RBFOX1: variants seen among roughly 807,000 people sequenced by gnomAD.
RBFOX1 encodes RNA binding fox-1 homolog 1, also known as RNA binding protein fox-1 homolog 1.
Under a neutral mutation model 57.7 loss-of-function variants are expected in RBFOX1, and 8 were observed. The ratio of observed to expected loss-of-function variants is 0.14; its 90% CI spans 0.08 to 0.25. The LOEUF is 0.25. Among genes scored for constraint, RBFOX1 ranks in the 10% least tolerant of loss-of-function variants. The probability of loss-of-function intolerance (pLI) is 1.00; values close to 1 mark genes in which losing one functional copy is unlikely to be tolerated. For synonymous variants in RBFOX1, 326 were observed against 222.4 expected, an observed-to-expected ratio of 1.47 and a Z score of -4.15; for missense variants, 611 against 548.5, an observed-to-expected ratio of 1.11 and a Z score of -1.14.
At chr16:5,558,662 C>G (rs866832856) in intron 2 of RBFOX1, among the ~76,000 whole-genome samples, 3 of 152,154 alleles carry the variant, frequency 2.0e-5, no homozygotes, top group Middle Eastern at 3.2e-3. Context: ...CTCCATGGCT[C>G]TGTTCCTGCC....
intron 10 of RBFOX1, among the ~76,000 whole-genome samples, chr16:7,622,118 A>G (rs1398307901): frequency 6.6e-6 from 1 of 152,172 alleles, no homozygotes; most frequent in Non-Finnish European, 1.5e-5. Flanking sequence ...TTTGGCCAAA[A>G]GTCTGTAGTT....
At chr16:7,059,905 A>G (rs767321837) in intron 4 of RBFOX1, among the ~76,000 whole-genome samples, 3 of 152,192 alleles carry the variant, frequency 2.0e-5, no homozygotes, top group African/African-American at 4.8e-5. Context: ...AGCTGTTTCT[A>G]TGAAAACTAA....
intron 4 of RBFOX1, among the ~76,000 whole-genome samples, chr16:5,932,104 C>G (rs1342518176): frequency 9.2e-5 from 14 of 152,160 alleles, no homozygotes; most frequent in Non-Finnish European, 1.6e-4. Context: ...TGTGCCTGGC[C>G]TTGTATGGCA....
At chr16:5,468,623 T>C (rs1465107717) in intron 2 of RBFOX1, among the ~76,000 whole-genome samples, 2 of 152,224 alleles carry the variant, frequency 1.3e-5, no homozygotes, top group Non-Finnish European at 2.9e-5. Context: ...GTGACATTAT[T>C]CATGGAAGCC....
chr16:5,326,709 G>T (rs1004392357), intron 1 of RBFOX1, among the ~76,000 whole-genome samples: 2 of 152,134 alleles, frequency 1.3e-5, no homozygotes, highest in Non-Finnish European at 2.9e-5. Context: ...ATTTTTAAGC[G>T]GTGGCTGTTA....
At chr16:6,170,590 T>C (rs2096952954) in intron 1 of RBFOX1, among the ~76,000 whole-genome samples, 1 of 152,290 alleles carries the variant, frequency 6.6e-6, no homozygotes, top group African/African-American at 2.4e-5. Context: ...GATGTAGAGC[T>C]TTTTTTCAAA....
chr16:7,478,665 C>T (rs1052237972), intron 4 of RBFOX1, among the ~76,000 whole-genome samples: 6 of 152,226 alleles, frequency 3.9e-5, no homozygotes, highest in East Asian at 1.9e-4. Flanking sequence ...GCCAGCTTTC[C>T]GCTATATGCA....
At chr16:5,753,888 A>C (rs770768029) in intron 3 of RBFOX1, among the ~76,000 whole-genome samples, 5 of 152,018 alleles carry the variant, frequency 3.3e-5, no homozygotes, top group Non-Finnish European at 5.9e-5. Context: ...CAATGATCTA[A>C]ACCCTACAGA....
At chr16:5,391,307 G>C (rs11862708) in intron 1 of RBFOX1, among the ~76,000 whole-genome samples, 1 of 150,558 alleles carries the variant, frequency 6.6e-6, no homozygotes, top group East Asian at 1.9e-4. Flanking sequence ...CAAAGCATCA[G>C]TGGGGTTATG....
In RBFOX1 at chr16:6,780,398, TTTTATATATA is replaced by T. The variant is rs1365344531; in HGVS notation, c.-16+125775_-16+125784del. The stretch of plus-strand genomic sequence containing the variant: ...ATATATTTATACATATTATATATAT[TTTTATATATA>T]TTTATATATATTTATATATATTTAT... On this transcript the variant is annotated intron_variant, in intron 3 of 15. Transcript: ENST00000550418. Among the ~76,000 whole-genome samples the T allele has an allele frequency of 6.4e-4, 51 of 79,970 alleles. 3 individuals carry two copies. Among genetic ancestry groups the T allele is most frequent in the African/African-American group, 1.9e-3 (31 of 16,106 alleles). The allele number at this position is 79,970 out of a possible 152,430, so 52.5% of individuals were successfully genotyped here. A position where few individuals can be genotyped will look rare whatever the true frequency, so the allele number is the denominator to read the frequency against.
At chr16:7,550,921 C>A (rs1474812718) in intron 5 of RBFOX1, among the ~76,000 whole-genome samples, 1 of 151,710 alleles carries the variant, frequency 6.6e-6, no homozygotes, top group Non-Finnish European at 1.5e-5. Flanking sequence ...TGGTGAAACC[C>A]CAGTTCTACT....
chr16:7,533,363 C>G (rs906386303), intron 5 of RBFOX1, among the ~76,000 whole-genome samples: 1 of 152,132 alleles, frequency 6.6e-6, no homozygotes, highest in African/African-American at 2.4e-5. Context: ...AGAAATACAA[C>G]ATTTTCTTCC....
chr16:7,140,780 T>C (rs1446087862), intron 4 of RBFOX1, among the ~76,000 whole-genome samples: 1 of 152,166 alleles, frequency 6.6e-6, no homozygotes, highest in African/African-American at 2.4e-5. Flanking sequence ...AGCGTTAAAC[T>C]TTCCAGGATG....
At chr16:5,836,936 A>G (rs1464287615) in intron 3 of RBFOX1, among the ~76,000 whole-genome samples, 2 of 152,076 alleles carry the variant, frequency 1.3e-5, no homozygotes, top group East Asian at 3.9e-4. Flanking sequence ...ACTTCTTCCA[A>G]TGCATCCTCC....
chr16:6,007,111 C>G (rs1420624577), intron 4 of RBFOX1, among the ~76,000 whole-genome samples: 1 of 152,182 alleles, frequency 6.6e-6, no homozygotes, highest in African/African-American at 2.4e-5. Context: ...GACAGTCACC[C>G]TCTAAGATGG....
At chr16:6,478,698 T>C (rs951040537) in intron 2 of RBFOX1, among the ~76,000 whole-genome samples, 1 of 151,846 alleles carries the variant, frequency 6.6e-6, no homozygotes, top group African/African-American at 2.4e-5. Flanking sequence ...TTCAAGATTG[T>C]TGTGCCTTAA....
In RBFOX1 at chr16:6,019,967, G is replaced by T; in HGVS notation, c.-152G>T. The T allele has an allele frequency of 6.5e-7, 1 of 1,530,884 alleles. No individual in the cohort carries two copies. The highest frequency in any genetic ancestry group is 1.2e-5 in the South Asian group (1 of 83,684). 94.8% of individuals were successfully genotyped at this position (1,530,884 alleles called of 1,614,324 possible). A position where few individuals can be genotyped will look rare whatever the true frequency, so the allele number is the denominator to read the frequency against. Reference sequence around the variant, plus strand: ...GGGGTCTGGGGCCGAGAACGTGACCGCAGCCGGGCTCGCCGGGAGTTCTAG... The same window carrying T: ...GGGGTCTGGGGCCGAGAACGTGACCTCAGCCGGGCTCGCCGGGAGTTCTAG... On this transcript the variant is annotated 5_prime_UTR_variant, in exon 1 of 16. Transcript: ENST00000550418. The surrounding 1 kb of genome is among the most constrained non-coding windows in gnomAD (Gnocchi z 4.2).
chr16:6,750,873 G>C (rs2074802985), intron 3 of RBFOX1, among the ~76,000 whole-genome samples: 1 of 152,190 alleles, frequency 6.6e-6, no homozygotes, highest in Non-Finnish European at 1.5e-5. Context: ...GAAATAGTGA[G>C]TGATGGTAGA....
intron 1 of RBFOX1, among the ~76,000 whole-genome samples, chr16:6,021,987 C>A (rs934232819): frequency 2.6e-5 from 4 of 152,160 alleles, no homozygotes; most frequent in African/African-American, 9.7e-5. Context: ...ACAGGAAAGG[C>A]AGGTGGCTTG....
Sources: allele counts gnomAD v4.1 joint callset (sites outside exome capture counted in the v4.1 genomes callset), GRCh38; gene constraint gnomAD v4.1.1; non-coding constraint Gnocchi (gnomAD v3.1); transcripts MANE v1.5; gene names NCBI Gene and HGNC (gene_info 2026-07-23, HGNC 2026-07-21).